Variants in DNAJC10 observed in about 807,000 individuals in gnomAD.
The protein encoded by DNAJC10 is endoplasmic reticulum disulfide reductase DNAJC10.
A neutral mutation model predicts 115.0 loss-of-function variants in DNAJC10; 101 were observed. The ratio of observed to expected loss-of-function variants is 0.88; its 90% CI spans 0.75 to 1.04. The LOEUF (loss-of-function observed/expected upper bound fraction) is 1.04. Among genes scored for constraint, DNAJC10 ranks in the 50% least tolerant of loss-of-function variants. DNAJC10 has a pLI of 0.00. For synonymous variants in DNAJC10, 307 were observed against 301.5 expected, an observed-to-expected ratio of 1.02 and a Z score of -0.19; for missense variants, 981 against 928.8, an observed-to-expected ratio of 1.06 and a Z score of -0.73.
At chr2:182,734,555 C>T (rs527684764) in intron 10 of DNAJC10, among the ~76,000 whole-genome samples, 1 of 151,794 alleles carries the variant, frequency 6.6e-6, no homozygotes, top group East Asian at 1.9e-4. Context: ...CACAGGTACA[C>T]ATTTCTATAA....
intron 14 of DNAJC10, 133 bp from the exon 15 acceptor site, chr2:182,751,525 C>T: frequency 1.0e-6 from 1 of 996,824 alleles, no homozygotes; most frequent in Non-Finnish European, 1.5e-6. Flanking sequence ...GTATACAGCA[C>T]ACTAAAACCT....
intron 22 of DNAJC10, among the ~76,000 whole-genome samples, chr2:182,770,525 C>T (rs1694533336): frequency 6.6e-6 from 1 of 152,038 alleles, no homozygotes; most frequent in African/African-American, 2.4e-5. Context: ...TGAAGAGGTC[C>T]TTCACATCCC....
At chr2:182,737,808 C>T (rs1693624990) in intron 11 of DNAJC10, among the ~76,000 whole-genome samples, 1 of 152,294 alleles carries the variant, frequency 6.6e-6, no homozygotes, top group Non-Finnish European at 1.5e-5. Flanking sequence ...ATTATTCAAG[C>T]CAAATGCCCT....
intron 22 of DNAJC10, among the ~76,000 whole-genome samples, chr2:182,771,602 A>G (rs901017215): frequency 6.6e-6 from 1 of 151,982 alleles, no homozygotes; most frequent in Non-Finnish European, 1.5e-5. Context: ...TAGCTTTTCT[A>G]GTTTATTTGT....
chr2:182,744,400 G>A (rs750453448), intron 14 of DNAJC10, among the ~76,000 whole-genome samples: 11 of 152,104 alleles, frequency 7.2e-5, no homozygotes, highest in Non-Finnish European at 1.3e-4. Flanking sequence ...AGTGTAGCGG[G>A]GAACAGAGGA....
chr2:182,760,906 T>TA (rs2105686128), intron 21 of DNAJC10, among the ~76,000 whole-genome samples: 1 of 152,330 alleles, frequency 6.6e-6, no homozygotes, highest in Admixed American at 6.5e-5. Context: ...CTTCCTTCTG[T>TA]AATAATTCTG....
intron 14 of DNAJC10, among the ~76,000 whole-genome samples, chr2:182,745,072 G>T (rs1256256323): frequency 6.6e-6 from 1 of 152,066 alleles, no homozygotes; most frequent in Admixed American, 6.6e-5. Flanking sequence ...ACCCATTCTT[G>T]TGTCACTTTT....
chr2:182,768,128 A>C (rs1366984853), intron 22 of DNAJC10, among the ~76,000 whole-genome samples: 1 of 152,134 alleles, frequency 6.6e-6, no homozygotes, highest in East Asian at 1.9e-4. Flanking sequence ...TAGAATTGCC[A>C]CACATCTAGA....
intron 3 of DNAJC10, among the ~76,000 whole-genome samples, chr2:182,719,409 A>G (rs1488430636): frequency 6.6e-6 from 1 of 151,660 alleles, no homozygotes; most frequent in African/African-American, 2.4e-5. Flanking sequence ...GTGCGTCACT[A>G]CTGCCCAGCT....
rs1482834770 is a variant in DNAJC10 at position 182,780,006 on chromosome 2, A to AAAAG, written c.*2876_*2879dup. ...TCCATTGTGACTGTTAAGAAATAAT[A>AAAAG]AAAGATTAAATTAACAAAATGCATT... On this transcript the variant is annotated 3_prime_UTR_variant, in exon 24 of 24. Transcript: ENST00000264065. 2.0e-5 allele frequency: 3 copies of AAAAG among 152,218 alleles called. No individual in the cohort carries two copies. Among genetic ancestry groups the AAAAG allele is most frequent in the African/African-American group, 7.2e-5 (3 of 41,454 alleles). The allele number at this position is 152,218 out of a possible 1,614,324, so 9.4% of individuals were successfully genotyped here.
intron 5 of DNAJC10, among the ~76,000 whole-genome samples, chr2:182,727,943 A>G (rs1211494809): frequency 2.6e-5 from 4 of 152,202 alleles, no homozygotes; most frequent in Non-Finnish European, 5.9e-5. Context: ...TCAAATCTGT[A>G]ATTTTAGCAA....
At chr2:182,730,620 C>CA (rs1693419925) in intron 8 of DNAJC10, 1 of 435,790 alleles carries the variant, frequency 2.3e-6, no homozygotes, top group Non-Finnish European at 4.5e-6. Flanking sequence ...AAGTCATATC[C>CA]AATCTGTCAT....
Position 182,741,959 on chromosome 2 carries a change from T to C in DNAJC10, c.1191+603T>C, listed in dbSNP as rs185035923. On this transcript the variant is annotated intron_variant, in intron 13 of 23. Transcript: ENST00000264065. ...TTTTTTAACTTCTGTCATACAACAATATCATAAACTTTTTCACAGACCTGT... is the reference window on the plus strand; with the variant it reads ...TTTTTTAACTTCTGTCATACAACAACATCATAAACTTTTTCACAGACCTGT... Among the ~76,000 whole-genome samples, 7 of 152,164 alleles carry C rather than the reference T, an allele frequency of 4.6e-5. No homozygotes were observed. In the East Asian group the frequency reaches 1.4e-3, roughly 29 times the overall value.
In DNAJC10 at chr2:182,728,820, A is replaced by G. The variant is rs748698791; in HGVS notation, c.502-43A>G. 28 of 1,609,962 alleles carry G rather than the reference A, an allele frequency of 1.7e-5. No homozygotes were observed. In the East Asian group the frequency reaches 6.0e-4, roughly 35 times the overall value. ...GCTTGGAGTGTGTTCAAGGGAAGAA[A>G]AGTGGTCTTATCAGAGAAATATGTT... On this transcript the variant is annotated intron_variant, in intron 6 of 23. Transcript: ENST00000264065.
At position 182,790,082 on chromosome 2, in the gene DNAJC10, C is replaced by T. The variant is rs1695022193; in HGVS notation, c.*12950C>T. ...CCCAAATCCAACTTCCACTGTAAAGCCTTTGCTGACTTCTTTACTTCACAT... is the reference window on the plus strand; with the variant it reads ...CCCAAATCCAACTTCCACTGTAAAGTCTTTGCTGACTTCTTTACTTCACAT... On this transcript the variant is annotated 3_prime_UTR_variant, in exon 24 of 24. Coordinates refer to ENST00000264065, the MANE Select transcript of DNAJC10 (RefSeq NM_018981.4). The T allele has an allele frequency of 6.6e-6, 1 of 152,150 alleles. No individual in the cohort carries two copies. Among genetic ancestry groups the T allele is most frequent in the African/African-American group, 2.4e-5 (1 of 41,436 alleles). 9.4% of individuals were successfully genotyped at this position (152,150 alleles called of 1,614,324 possible).
At chr2:182,724,784 G>A (rs905410830) in intron 5 of DNAJC10, among the ~76,000 whole-genome samples, 7 of 152,086 alleles carry the variant, frequency 4.6e-5, no homozygotes, top group African/African-American at 1.7e-4. Flanking sequence ...TCACTGTTAG[G>A]CACAACATCC....
chr2:182,721,884 A>G, intron 4 of DNAJC10, 141 bp from the exon 5 acceptor site: 1 of 489,296 alleles, frequency 2.0e-6, no homozygotes, highest in Non-Finnish European at 3.6e-6. Flanking sequence ...TTTTTCACTT[A>G]GGATGTTGCA....
At chr2:182,728,316 G>T (rs1693343977) in intron 5 of DNAJC10, among the ~76,000 whole-genome samples, 1 of 152,100 alleles carries the variant, frequency 6.6e-6, no homozygotes, top group Non-Finnish European at 1.5e-5. Flanking sequence ...TCTTTTTCAA[G>T]TATGGGCGTA....
chr2:182,722,114 A>G lies in DNAJC10; in HGVS notation c.418+39A>G, dbSNP rs769441368. The stretch of plus-strand genomic sequence containing the variant: ...CTTAAGGTTTTATAAAACTAATACA[A>G]GTTCGATCTCATCTAAAACTCTAGG... On this transcript the variant is annotated intron_variant, in intron 5 of 23. Coordinates refer to ENST00000264065, the MANE Select transcript of DNAJC10 (RefSeq NM_018981.4). 4.3e-6 allele frequency: 6 copies of G among 1,394,206 alleles called. No individual in the cohort carries two copies. In the African/African-American group the frequency reaches 7.3e-5, roughly 17 times the overall value. 86.4% of individuals were successfully genotyped at this position (1,394,206 alleles called of 1,614,324 possible).
Sources: gnomAD v4.1 joint callset for allele counts (sites outside exome capture counted in the v4.1 genomes callset) on GRCh38, gnomAD v4.1.1 for gene constraint, MANE v1.5 for transcripts, NCBI Gene and HGNC (gene_info 2026-07-23, HGNC 2026-07-21) for gene names.